ABCB4: variants seen among roughly 807,000 people sequenced by gnomAD.
ABCB4 encodes ATP binding cassette subfamily B member 4.
ABCB4 carries 76 observed loss-of-function variants against 145.7 expected under a neutral mutation model. That is an observed-to-expected ratio of 0.52 (90% CI 0.43 to 0.63). ABCB4 has a LOEUF of 0.63. Among genes scored for constraint, ABCB4 ranks in the 30% least tolerant of loss-of-function variants. ABCB4 has a pLI of 0.00. For missense variants in ABCB4, 1,234 were observed against 1,553.1 expected (o/e 0.79, Z 3.45); for synonymous variants, 517 against 566.8 (o/e 0.91, Z 1.25).
At position 87,453,129 on chromosome 7, in the gene ABCB4, T is replaced by A. The variant is rs745606081; in HGVS notation, c.351A>T (p.Ala117=). 2.5e-6 allele frequency: 4 copies of A among 1,613,922 alleles called. No individual in the cohort carries two copies. The highest frequency in any genetic ancestry group is 3.4e-6 in the Non-Finnish European group (4 of 1,179,864). ...KILEEEMTRY[A]YYYSGLGAGV... The stretch of plus-strand genomic sequence containing the variant: ...CAGCACCCAATCCTGAGTAGTAATA[T>A]GCATATCTGAAAAAAAAGAGAAAGG... The change falls in exon 6 of 28, where the codon GCA becomes GCT. Residue 117 remains alanine, a synonymous_variant. Transcript: ENST00000649586.
chr7:87,460,836 T>C (rs1336820514), intron 4 of ABCB4, among the ~76,000 whole-genome samples: 3 of 152,088 alleles, frequency 2.0e-5, no homozygotes, highest in African/African-American at 7.2e-5. Context: ...AATAGATTTT[T>C]AACTGAGGTG....
the ABCB4 span, among the ~76,000 whole-genome samples, chr7:87,371,368 C>T: frequency 6.6e-6 from 1 of 152,014 alleles, no homozygotes; most frequent in South Asian, 2.1e-4. Context: ...ATACATCTAC[C>T]TTATTCTTTT....
chr7:87,415,754 A>G (rs1196129648), intron 21 of ABCB4, among the ~76,000 whole-genome samples: 2 of 152,240 alleles, frequency 1.3e-5, no homozygotes, highest in Non-Finnish European at 2.9e-5. Flanking sequence ...TTTTGTTTCA[A>G]TACTGCTCAA....
rs143617209 is a variant in ABCB4 at position 87,431,518 on chromosome 7, C to A, written c.1779G>T (p.Thr593=). The A allele has an allele frequency of 6.2e-7, 1 of 1,614,106 alleles. No homozygotes were observed. Among genetic ancestry groups the A allele is most frequent in the Non-Finnish European group, 8.5e-7 (1 of 1,179,976 alleles). The change falls in exon 15 of 28, where the codon ACG becomes ACT. Residue 593 remains threonine (T), a synonymous_variant. Transcript: ENST00000649586. ...CAGCGATGACATCTGCATTTCGGAC[C>A]GTAGACAGTCGGTGTGCTATCACAA... is the stretch of plus-strand genomic sequence containing the variant. The part of the protein sequence containing the change: ...TTIVIAHRLS[T]VRNADVIAGF...
chr7:87,475,095 TG>T (rs1813705773), intron 2 of ABCB4, among the ~76,000 whole-genome samples: 1 of 152,210 alleles, frequency 6.6e-6, no homozygotes, highest in South Asian at 2.1e-4. Flanking sequence ...ATACAATGAA[TG>T]TTATACAATG....
chr7:87,457,366 C>T (rs747214854), intron 4 of ABCB4, among the ~76,000 whole-genome samples: 2 of 152,130 alleles, frequency 1.3e-5, no homozygotes, highest in Non-Finnish European at 2.9e-5. Flanking sequence ...GCTATGATCA[C>T]TTCACTGCAC....
chr7:87,437,725 C>T lies in ABCB4; in HGVS notation c.1731+1942G>A, dbSNP rs565410975. ...TCTCAGGCTTAGAGAGGTTAGTTAACGTGCCCAAGGACACAGCTAGAAAAG... is the reference window on the plus strand; with the variant it reads ...TCTCAGGCTTAGAGAGGTTAGTTAATGTGCCCAAGGACACAGCTAGAAAAG... On this transcript the variant is annotated intron_variant, in intron 14 of 27. Coordinates refer to ENST00000649586, the MANE Select transcript of ABCB4 (RefSeq NM_000443.4). Among the ~76,000 whole-genome samples the T allele has an allele frequency of 5.3e-5, 8 of 152,132 alleles. 1 individual carries two copies. The highest frequency in any genetic ancestry group is 1.2e-4 in the Non-Finnish European group (8 of 68,022).
At chr7:87,463,102 A>G (rs1269783523) in intron 3 of ABCB4, among the ~76,000 whole-genome samples, 194 bp from the exon 4 acceptor site, 1 of 152,210 alleles carries the variant, frequency 6.6e-6, no homozygotes, top group Non-Finnish European at 1.5e-5. Context: ...CTGTGAAGAA[A>G]TCAATCTAAT....
At chr7:87,462,620 C>T in intron 4 of ABCB4, 138 bp downstream of exon 4, 2 of 780,046 alleles carry the variant, frequency 2.6e-6, no homozygotes, top group Non-Finnish European at 4.3e-6. Flanking sequence ...AATTTTACAA[C>T]TCCTTCTATG....
chr7:87,387,785 C>G, the ABCB4 span, among the ~76,000 whole-genome samples: 2 of 152,108 alleles, frequency 1.3e-5, no homozygotes, highest in African/African-American at 4.8e-5. Flanking sequence ...AACCCCATCT[C>G]TATGGAAAAT....
At chr7:87,449,568 G>T (rs1228664132) in intron 8 of ABCB4, among the ~76,000 whole-genome samples, 2 of 150,930 alleles carry the variant, frequency 1.3e-5, no homozygotes, top group Admixed American at 1.3e-4. Context: ...TGAGTAGCTG[G>T]GACCACAGGT....
At chr7:87,471,687 C>T (rs1035603656) in intron 3 of ABCB4, among the ~76,000 whole-genome samples, 16 of 152,182 alleles carry the variant, frequency 1.1e-4, no homozygotes, top group Non-Finnish European at 1.9e-4. Context: ...GTTTGAAACA[C>T]GTCATATTTA....
intron 3 of ABCB4, among the ~76,000 whole-genome samples, chr7:87,468,809 T>C (rs1233586709): frequency 6.6e-6 from 1 of 151,914 alleles, no homozygotes; most frequent in Non-Finnish European, 1.5e-5. Context: ...TGGGGACCTG[T>C]AGTCTCAGCT....
chr7:87,403,024 A>G (rs1584664793), intron 27 of ABCB4, 111 bp downstream of exon 27: 2 of 1,201,200 alleles, frequency 1.7e-6, no homozygotes, highest in Middle Eastern at 2.0e-4. Context: ...ACCACTATCT[A>G]ACGTTCTGTG....
the ABCB4 span, among the ~76,000 whole-genome samples, chr7:87,372,499 T>G: frequency 1.3e-5 from 2 of 152,342 alleles, no homozygotes; most frequent in Non-Finnish European, 1.5e-5. Context: ...ATGTGCTTCA[T>G]GGGCTGCATT....
At chr7:87,471,574 G>A (rs1449409257) in intron 3 of ABCB4, among the ~76,000 whole-genome samples, 1 of 152,162 alleles carries the variant, frequency 6.6e-6, no homozygotes, top group East Asian at 1.9e-4. Context: ...GTTTGAGAGT[G>A]TGGATGTTTT....
At chr7:87,429,309 C>T (rs1482349943) in intron 15 of ABCB4, among the ~76,000 whole-genome samples, 2 of 152,212 alleles carry the variant, frequency 1.3e-5, no homozygotes, top group Admixed American at 1.3e-4. Context: ...ACCTGAAGCC[C>T]CTGCTCATTT....
intron 3 of ABCB4, among the ~76,000 whole-genome samples, chr7:87,468,511 G>A (rs1326457447): frequency 6.6e-6 from 1 of 152,050 alleles, no homozygotes; most frequent in Non-Finnish European, 1.5e-5. Flanking sequence ...AGAAAAAGAG[G>A]GAATCCTCCC....
chr7:87,398,950 C>G (rs140402972), downstream of ABCB4: 67 of 261,292 alleles, frequency 2.6e-4, no homozygotes, highest in African/African-American at 1.5e-3. Flanking sequence ...GCAAGTCTTA[C>G]TCTAATTTTT....
Sources: gnomAD v4.1 joint callset for allele counts (sites outside exome capture counted in the v4.1 genomes callset) on GRCh38, gnomAD v4.1.1 for gene constraint, MANE v1.5 for transcripts, NCBI Gene and HGNC (gene_info 2026-07-23, HGNC 2026-07-21) for gene names.